Variants in MED12L observed in about 807,000 individuals in gnomAD.
MED12L encodes the protein mediator of RNA polymerase II transcription subunit 12-like protein.
In MED12L, 60 loss-of-function variants were observed where a neutral mutation model predicts 281.3. The ratio of observed to expected loss-of-function variants is 0.21; its 90% CI spans 0.17 to 0.26. The LOEUF is 0.26. MED12L is among the 10% of genes least tolerant of loss of function. The pLI, the probability that MED12L is intolerant of heterozygous loss-of-function variation, is 1.00. For synonymous variants in MED12L, 974 were observed against 987.2 expected, an observed-to-expected ratio of 0.99 and a Z score of 0.25; for missense variants, 2,146 against 2,680.9, an observed-to-expected ratio of 0.80 and a Z score of 4.41.
intron 41 of MED12L, among the ~76,000 whole-genome samples, chr3:151,412,933 AT>A (rs1717124389): frequency 6.6e-6 from 1 of 152,238 alleles, no homozygotes; most frequent in Non-Finnish European, 1.5e-5. Context: ...CATGACTGCA[AT>A]TTTACCTTAA....
intron 12 of MED12L, among the ~76,000 whole-genome samples, chr3:151,187,477 A>G (rs1438066784): frequency 6.6e-6 from 1 of 152,248 alleles, no homozygotes; most frequent in Non-Finnish European, 1.5e-5. Flanking sequence ...AAACATCACC[A>G]TCTTTAAAAT....
chr3:151,291,740 G>C (rs1340361869), intron 16 of MED12L, among the ~76,000 whole-genome samples: 1 of 152,100 alleles, frequency 6.6e-6, no homozygotes, highest in East Asian at 1.9e-4. Flanking sequence ...TCCCATTGAT[G>C]TTATTTAGCT....
intron 14 of MED12L, among the ~76,000 whole-genome samples, chr3:151,191,720 A>G (rs1313081207): frequency 6.6e-6 from 1 of 152,202 alleles, no homozygotes; most frequent in African/African-American, 2.4e-5. Flanking sequence ...TAGCCTGACC[A>G]ACATGGAGAA....
chr3:151,208,881 T>A (rs1220694945), intron 16 of MED12L, among the ~76,000 whole-genome samples: 1 of 152,006 alleles, frequency 6.6e-6, no homozygotes, highest in Admixed American at 6.6e-5. Flanking sequence ...GTAGTGCAGG[T>A]ATGGGCTTCC....
chr3:151,262,558 G>A (rs372702076), intron 16 of MED12L, among the ~76,000 whole-genome samples: 47 of 152,270 alleles, frequency 3.1e-4, no homozygotes, highest in Non-Finnish European at 3.7e-4. Flanking sequence ...ATTTGGTGAG[G>A]CCTATGTTAA....
At chr3:151,160,434 A>T (rs1719840123) in intron 8 of MED12L, among the ~76,000 whole-genome samples, 1 of 152,126 alleles carries the variant, frequency 6.6e-6, no homozygotes, top group Non-Finnish European at 1.5e-5. Context: ...AGCATTTTTA[A>T]TCTTTCTAAG....
intron 16 of MED12L, among the ~76,000 whole-genome samples, chr3:151,292,171 C>A (rs1009257771): frequency 6.6e-5 from 10 of 151,894 alleles, no homozygotes; most frequent in Admixed American, 2.6e-4. Flanking sequence ...TATATAAACA[C>A]GAAAGTAGAT....
chr3:151,095,751 CA>C (rs1348745012), intron 2 of MED12L, among the ~76,000 whole-genome samples: 2 of 151,888 alleles, frequency 1.3e-5, no homozygotes, highest in Non-Finnish European at 1.5e-5. Flanking sequence ...TTTTTAAAGC[CA>C]GATCCTAGCA....
intron 16 of MED12L, among the ~76,000 whole-genome samples, chr3:151,196,260 C>T (rs531032261): frequency 2.0e-5 from 3 of 152,150 alleles, no homozygotes; most frequent in Non-Finnish European, 4.4e-5. Flanking sequence ...TTTTAATAGC[C>T]TTCCACCACT....
At chr3:151,173,360 G>A (rs916613337) in intron 11 of MED12L, among the ~76,000 whole-genome samples, 3 of 152,040 alleles carry the variant, frequency 2.0e-5, no homozygotes, top group Non-Finnish European at 4.4e-5. Context: ...TAACTAGTAC[G>A]TTCTATTTCT....
In MED12L at chr3:151,418,007, TGA is replaced by T. The variant is rs370947937; in HGVS notation, c.6408+1587_6408+1588del. Reference sequence around the variant, plus strand: ...TTCCTTTGGATGCACCACTGTTAGCTGAGTCTAGTGTCCCGTACAAGAACGAG... The same window carrying T: ...TTCCTTTGGATGCACCACTGTTAGCTGTCTAGTGTCCCGTACAAGAACGAG... On this transcript the variant is annotated intron_variant, in intron 43 of 44. Coordinates refer to ENST00000687756, the MANE Select transcript of MED12L (RefSeq NM_001393769.1). Among the ~76,000 whole-genome samples the T allele has an allele frequency of 3.6e-4, 55 of 152,338 alleles. No homozygotes were observed. In the East Asian group the frequency reaches 0.01, roughly 28 times the overall value.
Position 151,240,049 on chromosome 3 carries a change from T to G in MED12L, c.2250+46383T>G, listed in dbSNP as rs749815749. Among the ~76,000 whole-genome samples, 1,036 of 151,508 alleles carry G rather than the reference T, an allele frequency of 6.8e-3. 7 individuals carry two copies. Among genetic ancestry groups the G allele is most frequent in the South Asian group, 7.3e-3 (35 of 4,800 alleles). ...TGTCTTTCTCCCACCTTTTTTTTTT[T>G]TGTGTGTGTGTGTATGGCCACCACC... On this transcript the variant is annotated intron_variant, in intron 16 of 44. Transcript: ENST00000687756.
chr3:151,156,475 T>G, intron 6 of MED12L, 145 bp downstream of exon 6: 1 of 736,096 alleles, frequency 1.4e-6, no homozygotes, highest in Non-Finnish European at 2.1e-6. Context: ...TCACATCGAA[T>G]TGTATTCAGG....
intron 34 of MED12L, 93 bp downstream of exon 34, chr3:151,383,981 C>T: frequency 6.7e-7 from 1 of 1,482,796 alleles, no homozygotes; most frequent in East Asian, 2.4e-5. Context: ...ATCTTATTTA[C>T]TTGGATGCTA....
At position 151,355,171 on chromosome 3, in the gene MED12L, A is replaced by G. The variant is rs756975808; in HGVS notation, c.2449A>G (p.Thr817Ala). The change falls in exon 18 of 45, where the codon ACA becomes GCA. Residue 817 changes from threonine (T) to alanine (A), a missense_variant. Physicochemically the swap from Thr to Ala is moderately conservative, Grantham distance 58. Coordinates refer to ENST00000687756, the MANE Select transcript of MED12L (RefSeq NM_001393769.1). ...ARKNKQETFP[T>A]LETVFTKLQL... is the part of the protein sequence containing the mutation. ...GAAGAACAAACAGGAGACATTTCCA[A>G]CACTGGAGACTGTGTTCACTAAACT... 11 of 1,614,108 alleles carry G rather than the reference A, an allele frequency of 6.8e-6. No homozygotes were observed. In the South Asian group the frequency reaches 9.9e-5, roughly 14 times the overall value.
intron 2 of MED12L, among the ~76,000 whole-genome samples, chr3:151,094,756 T>G (rs1720496864): frequency 6.6e-6 from 1 of 152,264 alleles, no homozygotes; most frequent in African/African-American, 2.4e-5. Flanking sequence ...ATTTTTATTT[T>G]CTTCTTTGTA....
intron 32 of MED12L, among the ~76,000 whole-genome samples, chr3:151,380,578 C>G (rs901513398): frequency 1.8e-5 from 2 of 113,968 alleles, no homozygotes; most frequent in Non-Finnish European, 3.5e-5. Context: ...GCCTGGGAAA[C>G]AATAGTGAAA....
chr3:151,336,496 A>G (rs1456340668), intron 16 of MED12L: 2 of 456,434 alleles, frequency 4.4e-6, no homozygotes, highest in South Asian at 3.1e-5. Flanking sequence ...TTCTTCTGGC[A>G]TTATATTTAG....
At chr3:151,155,002 A>T (rs1223070597) in intron 5 of MED12L, among the ~76,000 whole-genome samples, 3 of 152,244 alleles carry the variant, frequency 2.0e-5, no homozygotes, top group Non-Finnish European at 4.4e-5. Flanking sequence ...AGACACAATT[A>T]AAATAAGTGG....
Sources: allele counts gnomAD v4.1 joint callset (sites outside exome capture counted in the v4.1 genomes callset), GRCh38; gene constraint gnomAD v4.1.1; transcripts MANE v1.5; gene names NCBI Gene and HGNC (gene_info 2026-07-23, HGNC 2026-07-21).